Variants in SEMA5A observed in about 807,000 individuals in gnomAD.
The protein encoded by SEMA5A is semaphorin-5A.
Under a neutral mutation model 135.5 loss-of-function variants are expected in SEMA5A, and 55 were observed. The observed-to-expected ratio is 0.41, with a 90% CI of 0.33 to 0.51. SEMA5A has a LOEUF of 0.51. Ranked by LOEUF, SEMA5A falls within the 20% of genes least tolerant of loss-of-function variation. SEMA5A has a pLI of 0.37. For synonymous variants in SEMA5A, 580 were observed against 546.5 expected, an observed-to-expected ratio of 1.06 and a Z score of -0.85; for missense variants, 1,290 against 1,419.9, an observed-to-expected ratio of 0.91 and a Z score of 1.47.
At chr5:9,092,830 G>T (rs1263701560) in intron 16 of SEMA5A, among the ~76,000 whole-genome samples, 3 of 152,096 alleles carry the variant, frequency 2.0e-5, no homozygotes, top group Non-Finnish European at 4.4e-5. Flanking sequence ...TTCCCAAATT[G>T]CCATTACCTT....
At chr5:9,131,884 T>C (rs1325535035) in intron 13 of SEMA5A, among the ~76,000 whole-genome samples, 2 of 152,078 alleles carry the variant, frequency 1.3e-5, no homozygotes, top group African/African-American at 4.8e-5. Flanking sequence ...ACCCTGGTCA[T>C]CATGTATCCA....
At chr5:9,282,634 G>A (rs1040401740) in intron 5 of SEMA5A, among the ~76,000 whole-genome samples, 5 of 152,164 alleles carry the variant, frequency 3.3e-5, no homozygotes, top group African/African-American at 7.2e-5. Flanking sequence ...AGAGGTTCAC[G>A]GAGGCATCAT....
chr5:9,165,220 C>T (rs916823401), intron 11 of SEMA5A, among the ~76,000 whole-genome samples: 1 of 151,220 alleles, frequency 6.6e-6, no homozygotes, highest in Non-Finnish European at 1.5e-5. Context: ...CTCTAAGGTG[C>T]AATAAAAAAC....
chr5:9,455,874 A>G (rs1052066097), intron 1 of SEMA5A, among the ~76,000 whole-genome samples: 8 of 152,204 alleles, frequency 5.3e-5, no homozygotes, highest in African/African-American at 1.9e-4. Flanking sequence ...AAAAGCAGAG[A>G]AATGGTTGTT....
rs373656105 is a variant in SEMA5A at position 9,299,925 on chromosome 5, A to G, written c.270+18447T>C. Among the ~76,000 whole-genome samples, 43 of 152,298 alleles carry G rather than the reference A, an allele frequency of 2.8e-4. No homozygotes were observed. The South Asian group carries it at 8.7e-3, about 31-fold the overall frequency. ...CCCTCAGTGGCCCTGCTCTAATGAGAGCCAGAAGTTCCCAATGCTGCCACC... is the reference window on the plus strand; with the variant it reads ...CCCTCAGTGGCCCTGCTCTAATGAGGGCCAGAAGTTCCCAATGCTGCCACC... On this transcript the variant is annotated intron_variant, in intron 5 of 22. Coordinates refer to ENST00000382496, the MANE Select transcript of SEMA5A (RefSeq NM_003966.3).
At chr5:9,182,096 G>T (rs1212845426) in intron 11 of SEMA5A, among the ~76,000 whole-genome samples, 2 of 148,372 alleles carry the variant, frequency 1.3e-5, no homozygotes. Context: ...TCATCTTCCT[G>T]TTTCGTTTTT....
intron 12 of SEMA5A, among the ~76,000 whole-genome samples, chr5:9,140,692 T>C (rs796778913): frequency 5.3e-5 from 8 of 152,330 alleles, no homozygotes; most frequent in African/African-American, 1.7e-4. Flanking sequence ...CAAAATAACA[T>C]AGTGTATATC....
intron 11 of SEMA5A, among the ~76,000 whole-genome samples, chr5:9,158,956 T>G (rs190075815): frequency 1.7e-3 from 260 of 152,332 alleles, no homozygotes; most frequent in African/African-American, 6.0e-3. Context: ...AATTTGAATT[T>G]CAGATAAACA....
intron 8 of SEMA5A, among the ~76,000 whole-genome samples, chr5:9,207,377 G>C (rs1011490933): frequency 1.3e-5 from 2 of 151,842 alleles, no homozygotes; most frequent in Non-Finnish European, 2.9e-5. Context: ...TAGAGATGGG[G>C]TTTCTCCATG....
At chr5:9,046,513 G>C (rs995536447) in intron 21 of SEMA5A, among the ~76,000 whole-genome samples, 5 of 152,182 alleles carry the variant, frequency 3.3e-5, no homozygotes, top group African/African-American at 1.2e-4. Context: ...GAGGGTCACT[G>C]TTCAGTGAGT....
chr5:9,130,936 T>C (rs1579448606), intron 13 of SEMA5A, among the ~76,000 whole-genome samples: 2 of 152,190 alleles, frequency 1.3e-5, no homozygotes, highest in East Asian at 3.9e-4. Flanking sequence ...CTATAGTCTA[T>C]GGTACTGCCA....
intron 3 of SEMA5A, among the ~76,000 whole-genome samples, chr5:9,359,870 A>G (rs1754615647): frequency 6.6e-6 from 1 of 152,212 alleles, no homozygotes; most frequent in Admixed American, 6.5e-5. Context: ...CAGAAGAGGG[A>G]GAATGACCTA....
intron 16 of SEMA5A, among the ~76,000 whole-genome samples, chr5:9,073,090 C>G (rs1737857933): frequency 6.6e-6 from 1 of 152,120 alleles, no homozygotes; most frequent in Non-Finnish European, 1.5e-5. Flanking sequence ...CCAAGTCATT[C>G]TATGAGGCCA....
At chr5:9,096,554 C>CTGTGTGTGTG (rs56202626) in intron 16 of SEMA5A, among the ~76,000 whole-genome samples, 1,942 of 144,472 alleles carry the variant, frequency 0.013, 31 homozygotes, top group African/African-American at 0.038. Context: ...TAATATTCCA[C>CTGTGTGTGTG]TGTGTGTGTG....
At chr5:9,341,431 T>C (rs1305972450) in intron 3 of SEMA5A, among the ~76,000 whole-genome samples, 1 of 151,794 alleles carries the variant, frequency 6.6e-6, no homozygotes, top group Non-Finnish European at 1.5e-5. Flanking sequence ...TTCAGGGCAA[T>C]TGGTCACAAA....
intron 2 of SEMA5A, among the ~76,000 whole-genome samples, chr5:9,418,462 G>C (rs904044535): frequency 6.6e-6 from 1 of 152,136 alleles, no homozygotes; most frequent in African/African-American, 2.4e-5. Context: ...GCAAAATAAA[G>C]GCAAATACTA....
chr5:9,054,492 C>T (rs185058430), intron 18 of SEMA5A, among the ~76,000 whole-genome samples: 4 of 152,304 alleles, frequency 2.6e-5, no homozygotes, highest in East Asian at 1.9e-4. Flanking sequence ...TTCCTCCCTA[C>T]ACTTTTTCAG....
At chr5:9,052,218 G>A (rs964474875) in intron 19 of SEMA5A, among the ~76,000 whole-genome samples, 190 bp from the exon 20 acceptor site, 3 of 152,166 alleles carry the variant, frequency 2.0e-5, no homozygotes, top group Non-Finnish European at 4.4e-5. Flanking sequence ...ACACGAGGAT[G>A]AATAAAAGTG....
Position 9,066,405 on chromosome 5 carries a change from C to G in SEMA5A, c.2299+16G>C, listed in dbSNP as rs749792849. 1.2e-6 allele frequency: 2 copies of G among 1,611,622 alleles called. No individual in the cohort carries two copies. The highest frequency in any genetic ancestry group is 3.3e-5 in the Admixed American group (2 of 60,022). On this transcript the variant is annotated intron_variant, in intron 17 of 22. Transcript: ENST00000382496. ...TTCCATGGAAGTGGGTCAGTCCCCACGGAATCACTACTCACCATCTGTGGA... is the reference window on the plus strand; with the variant it reads ...TTCCATGGAAGTGGGTCAGTCCCCAGGGAATCACTACTCACCATCTGTGGA...
Sources: gnomAD v4.1 joint callset for allele counts (sites outside exome capture counted in the v4.1 genomes callset) on GRCh38, gnomAD v4.1.1 for gene constraint, MANE v1.5 for transcripts, NCBI Gene and HGNC (gene_info 2026-07-23, HGNC 2026-07-21) for gene names.